The following REV1 variants were observed in gnomAD, a reference collection of about 807,000 sequenced individuals.
The protein encoded by REV1 is REV1 DNA directed polymerase, also known as translesion synthesis protein REV1.
A neutral mutation model predicts 137.4 loss-of-function variants in REV1; 42 were observed. The ratio of observed to expected loss-of-function variants is 0.31; its 90% CI spans 0.24 to 0.40. The LOEUF is 0.40. Among genes scored for constraint, REV1 ranks in the 10% least tolerant of loss-of-function variants. The pLI is 1.00. For missense variants in REV1, 1,282 were observed against 1,490.1 expected, an observed-to-expected ratio of 0.86 and a Z score of 2.30; for synonymous variants, 524 against 519.2, an observed-to-expected ratio of 1.01 and a Z score of -0.12.
At chr2:99,471,389 C>T (rs1575215980) in intron 1 of REV1, among the ~76,000 whole-genome samples, 1 of 151,528 alleles carries the variant, frequency 6.6e-6, no homozygotes, top group East Asian at 1.9e-4. Flanking sequence ...ATATCACATG[C>T]AAAAGAAGTT....
intron 5 of REV1, among the ~76,000 whole-genome samples, chr2:99,440,102 T>TA (rs1473268192): frequency 3.9e-5 from 6 of 152,154 alleles, no homozygotes; most frequent in Non-Finnish European, 7.3e-5. Context: ...GCCAGGGTGG[T>TA]ACAAGGCAAT....
At chr2:99,439,864 A>G (rs1363595525) in intron 5 of REV1, among the ~76,000 whole-genome samples, 1 of 152,242 alleles carries the variant, frequency 6.6e-6, no homozygotes, top group Non-Finnish European at 1.5e-5. Context: ...TATGAAAGGT[A>G]CTATTCAACA....
intron 5 of REV1, 52 bp downstream of exon 5, chr2:99,442,265 A>C (rs1249973924): frequency 8.0e-6 from 11 of 1,381,902 alleles, no homozygotes; most frequent in Admixed American, 5.4e-5. Context: ...AAAAAAAAAA[A>C]AAAAAAAAAA....
chr2:99,420,003 C>T lies in REV1; in HGVS notation c.1832-1056G>A, dbSNP rs528879735. On this transcript the variant is annotated intron_variant, in intron 11 of 22. Coordinates refer to ENST00000258428, the MANE Select transcript of REV1 (RefSeq NM_016316.4). ...TGAGGAGTGGAAATATAAAGTGGGA[C>T]TTTGGCATTACATATGCTTGAACTT... Among the ~76,000 whole-genome samples the T allele has an allele frequency of 2.6e-5, 4 of 152,248 alleles. No homozygotes were observed. The South Asian group carries it at 6.2e-4, about 24-fold the overall frequency.
At chr2:99,479,774 A>G (rs1421023106) in intron 1 of REV1, among the ~76,000 whole-genome samples, 2 of 101,410 alleles carry the variant, frequency 2.0e-5, no homozygotes, top group African/African-American at 9.0e-5. Context: ...AGACCAAAAA[A>G]GTAAAAATAA....
At chr2:99,456,558 T>C (rs1297361003) in intron 3 of REV1, among the ~76,000 whole-genome samples, 4 of 152,212 alleles carry the variant, frequency 2.6e-5, no homozygotes, top group Non-Finnish European at 5.9e-5. Flanking sequence ...TTTAAGGCCC[T>C]GAGGTGTTAT....
At chr2:99,421,944 A>T (rs566819827) in intron 10 of REV1, among the ~76,000 whole-genome samples, 1 of 152,202 alleles carries the variant, frequency 6.6e-6, no homozygotes, top group Non-Finnish European at 1.5e-5. Context: ...AACACAGCAT[A>T]AATTATTATT....
At chr2:99,458,759 C>T (rs115051693) in intron 3 of REV1, among the ~76,000 whole-genome samples, 2,269 of 152,198 alleles carry the variant, frequency 0.015, 22 homozygotes, top group Non-Finnish European at 0.022. Flanking sequence ...TGAAAAAAGC[C>T]AGCCCCAAAA....
intron 1 of REV1, 35 bp from the exon 2 acceptor site, chr2:99,465,020 A>T: frequency 6.8e-7 from 1 of 1,481,190 alleles, no homozygotes; most frequent in Non-Finnish European, 9.4e-7. Context: ...TGTCAATTTT[A>T]TAACATAATG....
At chr2:99,482,170 A>G (rs1686675701) in intron 1 of REV1, among the ~76,000 whole-genome samples, 1 of 152,218 alleles carries the variant, frequency 6.6e-6, no homozygotes, top group Non-Finnish European at 1.5e-5. Context: ...CTATGTAATA[A>G]AAGTCCCATA....
rs577823085 is a variant in REV1, at chr2:99,451,844, C to T, written c.182-2340G>A. On this transcript the variant is annotated intron_variant, in intron 3 of 22. Coordinates refer to ENST00000258428, the MANE Select transcript of REV1 (RefSeq NM_016316.4). The stretch of plus-strand genomic sequence containing the variant: ...GACCCAAAGTTTCAACAAAAACAGA[C>T]CTGCCAATAGTGCACTATGGACAGC... Among the ~76,000 whole-genome samples, 265 of 152,254 alleles carry T rather than the reference C, an allele frequency of 1.7e-3. 1 individual carries two copies. Among genetic ancestry groups the T allele is most frequent in the South Asian group, 0.014 (67 of 4,824 alleles).
chr2:99,461,330 G>A (rs1684169792), intron 3 of REV1, among the ~76,000 whole-genome samples: 1 of 152,196 alleles, frequency 6.6e-6, no homozygotes, highest in Non-Finnish European at 1.5e-5. Context: ...CACTGTAGAG[G>A]CACTAAGGAT....
At chr2:99,452,792 T>C (rs1575148789) in intron 3 of REV1, among the ~76,000 whole-genome samples, 1 of 152,226 alleles carries the variant, frequency 6.6e-6, no homozygotes, top group East Asian at 1.9e-4. Context: ...ACAAGTGGTA[T>C]AAATACTTAA....
chr2:99,478,243 A>T (rs1253270201), intron 1 of REV1, among the ~76,000 whole-genome samples: 1 of 152,208 alleles, frequency 6.6e-6, no homozygotes, highest in Non-Finnish European at 1.5e-5. Context: ...AATAAAAAAT[A>T]GAAAGTACCA....
chr2:99,470,765 C>T (rs924424646), intron 1 of REV1, among the ~76,000 whole-genome samples: 3 of 152,142 alleles, frequency 2.0e-5, no homozygotes, highest in African/African-American at 7.2e-5. Flanking sequence ...CAATGGAAAC[C>T]GGGCATAGCA....
intron 9 of REV1, chr2:99,425,033 A>G: frequency 3.0e-6 from 2 of 661,446 alleles, no homozygotes; most frequent in Non-Finnish European, 2.1e-6. Flanking sequence ...ATCACTCTGT[A>G]AAGAATCAAG....
In REV1 at chr2:99,433,413, TTC is replaced by T. The variant is rs1411761045; in HGVS notation, c.1438+917_1438+918del. Reference sequence around the variant, plus strand: ...AAATATGTATCTGCAATTATGTTATTTCATACTTAAGACCACATAAACAGATG... The same window carrying T: ...AAATATGTATCTGCAATTATGTTATTATACTTAAGACCACATAAACAGATG... On this transcript the variant is annotated intron_variant, in intron 8 of 22. Transcript: ENST00000258428. 3.3e-5 allele frequency among the ~76,000 whole-genome samples: 5 copies of T among 152,306 alleles called. No homozygotes were observed. The East Asian group carries it at 5.8e-4, about 18-fold the overall frequency.
intron 12 of REV1, among the ~76,000 whole-genome samples, chr2:99,416,215 C>CTGTATAAAAATAGG (rs1357688965): frequency 6.6e-6 from 1 of 152,238 alleles, no homozygotes; most frequent in East Asian, 1.9e-4. Context: ...TAAATAGGTA[C>CTGTATAAAAATAGG]TGTATATTTA....
chr2:99,414,607 A>G (rs1467783064), intron 12 of REV1, among the ~76,000 whole-genome samples: 1 of 152,238 alleles, frequency 6.6e-6, no homozygotes, highest in African/African-American at 2.4e-5. Context: ...CACTTTGCAC[A>G]GCTATTTGCT....
Sources: allele counts gnomAD v4.1 joint callset (sites outside exome capture counted in the v4.1 genomes callset), GRCh38; gene constraint gnomAD v4.1.1; transcripts MANE v1.5; gene names NCBI Gene and HGNC (gene_info 2026-07-23, HGNC 2026-07-21).